Variants in PRKCE observed in about 807,000 individuals in gnomAD.
PRKCE encodes protein kinase C epsilon type.
Under a neutral mutation model 85.4 loss-of-function variants are expected in PRKCE, and 16 were observed. That is an observed-to-expected ratio of 0.19 (90% CI 0.13 to 0.28). The LOEUF (loss-of-function observed/expected upper bound fraction) is 0.28. Ranked by LOEUF, PRKCE falls within the 10% of genes least tolerant of loss-of-function variation. PRKCE has a pLI of 1.00. For synonymous variants in PRKCE, 388 were observed against 371.5 expected, an observed-to-expected ratio of 1.04 and a Z score of -0.51; for missense variants, 573 against 975.2, an observed-to-expected ratio of 0.59 and a Z score of 5.49.
chr2:46,101,494 A>T (rs1234189847), intron 11 of PRKCE, among the ~76,000 whole-genome samples: 1 of 152,184 alleles, frequency 6.6e-6, no homozygotes, highest in African/African-American at 2.4e-5. Context: ...GGGAACACCA[A>T]ATGGGTCTGT....
In PRKCE at chr2:46,144,345, A is replaced by T. The variant is rs370935368; in HGVS notation, c.1593-748A>T. 8.3e-4 allele frequency among the ~76,000 whole-genome samples: 126 copies of T among 152,258 alleles called. 3 individuals are homozygous for T. Among genetic ancestry groups the T allele is most frequent in the African/African-American group, 2.9e-3 (122 of 41,550 alleles). On this transcript the variant is annotated intron_variant, in intron 11 of 14. Coordinates refer to ENST00000306156, the MANE Select transcript of PRKCE (RefSeq NM_005400.3). ...TTGTGCTCATGCAGGCAGGATGCTT[A>T]TTGCTGTTAGCATGCATTTCAAATT...
intron 1 of PRKCE, among the ~76,000 whole-genome samples, chr2:45,677,592 A>G (rs2103895538): frequency 6.6e-6 from 1 of 152,214 alleles, no homozygotes; most frequent in South Asian, 2.1e-4. Flanking sequence ...TCCTGACCTC[A>G]TGATCCACCC....
At chr2:45,985,817 C>T (rs1004403272) in intron 6 of PRKCE, among the ~76,000 whole-genome samples, 1 of 152,182 alleles carries the variant, frequency 6.6e-6, no homozygotes, top group African/African-American at 2.4e-5. Flanking sequence ...GCTGGGGACA[C>T]CTTAACTCGA....
At chr2:45,913,482 C>G (rs905876365) in intron 2 of PRKCE, among the ~76,000 whole-genome samples, 1 of 152,198 alleles carries the variant, frequency 6.6e-6, no homozygotes, top group African/African-American at 2.4e-5. Flanking sequence ...TACAGACTCC[C>G]TGCTCAGTGG....
At chr2:45,690,812 T>C (rs1677668335) in intron 1 of PRKCE, among the ~76,000 whole-genome samples, 1 of 152,146 alleles carries the variant, frequency 6.6e-6, no homozygotes, top group South Asian at 2.1e-4. Flanking sequence ...GGGGCACCAG[T>C]GGAAAGGCAA....
chr2:46,074,854 T>C (rs1456035402), intron 10 of PRKCE, among the ~76,000 whole-genome samples: 1 of 152,158 alleles, frequency 6.6e-6, no homozygotes, highest in Non-Finnish European at 1.5e-5. Context: ...ATGTCCTGCC[T>C]GGGACACAGG....
In PRKCE at chr2:45,863,096, A is replaced by T. The variant is rs147359284; in HGVS notation, c.412+20033A>T. Reference sequence around the variant, plus strand: ...TGTGGGAGAGGGAAGCTGAACCCACAGTTTGTCCTGTTAGTGTGTGCTTGC... The same window carrying T: ...TGTGGGAGAGGGAAGCTGAACCCACTGTTTGTCCTGTTAGTGTGTGCTTGC... On this transcript the variant is annotated intron_variant, in intron 2 of 14. Coordinates refer to ENST00000306156, the MANE Select transcript of PRKCE (RefSeq NM_005400.3). 4.5e-3 allele frequency among the ~76,000 whole-genome samples: 682 copies of T among 152,112 alleles called. 3 individuals carry two copies. Among genetic ancestry groups the T allele is most frequent in the African/African-American group, 0.016 (651 of 41,484 alleles).
chr2:46,050,180 C>A (rs541730186), intron 10 of PRKCE, among the ~76,000 whole-genome samples: 1 of 152,370 alleles, frequency 6.6e-6, no homozygotes, highest in Admixed American at 6.5e-5. Context: ...ATCACATTTA[C>A]CGTTCACAAG....
chr2:45,947,865 A>G (rs895409513), intron 2 of PRKCE, among the ~76,000 whole-genome samples: 46 of 152,192 alleles, frequency 3.0e-4, no homozygotes, highest in Non-Finnish European at 8.8e-5. Context: ...TAAAGTGTAT[A>G]TTTCTTTTAT....
chr2:46,080,291 G>A lies in PRKCE; in HGVS notation c.1438-5917G>A, dbSNP rs137949042. 1.8e-3 allele frequency among the ~76,000 whole-genome samples: 267 copies of A among 152,006 alleles called. 2 individuals are homozygous for A. Among genetic ancestry groups the A allele is most frequent in the Non-Finnish European group, 3.1e-3 (210 of 68,008 alleles). ...ACAATGCAGACTCAGTAGAGTGAGGGGAAATGAAAATTTTACCTTGCTTTA... is the reference window on the plus strand; with the variant it reads ...ACAATGCAGACTCAGTAGAGTGAGGAGAAATGAAAATTTTACCTTGCTTTA... On this transcript the variant is annotated intron_variant, in intron 10 of 14. Coordinates refer to ENST00000306156, the MANE Select transcript of PRKCE (RefSeq NM_005400.3).
Position 46,059,582 on chromosome 2 carries a change from T to C in PRKCE, c.1438-26626T>C, listed in dbSNP as rs141061544. On this transcript the variant is annotated intron_variant, in intron 10 of 14. Transcript: ENST00000306156. ...TCACATTTGCAGAGATTAGTTATTTTTCTAATATTCTAAGCAGATTTGAGA... is the reference window on the plus strand; with the variant it reads ...TCACATTTGCAGAGATTAGTTATTTCTCTAATATTCTAAGCAGATTTGAGA... Among the ~76,000 whole-genome samples, 583 of 152,344 alleles carry C rather than the reference T, an allele frequency of 3.8e-3. 3 individuals are homozygous for C. Among genetic ancestry groups the C allele is most frequent in the African/African-American group, 0.014 (563 of 41,568 alleles).
chr2:45,728,560 G>A (rs947111429), intron 1 of PRKCE, among the ~76,000 whole-genome samples: 6 of 152,102 alleles, frequency 3.9e-5, no homozygotes, highest in East Asian at 1.9e-4. Context: ...TAATGCCCAC[G>A]TGCCGCTGGA....
intron 2 of PRKCE, among the ~76,000 whole-genome samples, chr2:45,899,280 T>C (rs1469846889): frequency 3.3e-5 from 5 of 152,246 alleles, no homozygotes; most frequent in South Asian, 2.1e-4. Context: ...TTGATATTTA[T>C]AGGCTTCTTC....
At chr2:45,736,066 T>G (rs1053634096) in intron 1 of PRKCE, among the ~76,000 whole-genome samples, 1 of 152,034 alleles carries the variant, frequency 6.6e-6, no homozygotes, top group Admixed American at 6.6e-5. Context: ...GTTTAAGCAA[T>G]CCTCCCACCT....
chr2:45,849,637 T>A (rs1423909344), intron 2 of PRKCE, among the ~76,000 whole-genome samples: 25 of 152,132 alleles, frequency 1.6e-4, no homozygotes, highest in Admixed American at 1.6e-3. Context: ...CGCAATAAGA[T>A]CCTGATCCTG....
chr2:45,673,479 C>A (rs1207095573), intron 1 of PRKCE, among the ~76,000 whole-genome samples: 1 of 152,186 alleles, frequency 6.6e-6, no homozygotes, highest in Admixed American at 6.5e-5. Context: ...AGGGACAGTA[C>A]TTACATCTCT....
Position 45,919,708 on chromosome 2 carries a change from C to T in PRKCE, c.413-56721C>T, listed in dbSNP as rs116291449. Among the ~76,000 whole-genome samples the T allele has an allele frequency of 1.9e-3, 291 of 152,326 alleles. 2 individuals are homozygous for T. The highest frequency in any genetic ancestry group is 6.8e-3 in the African/African-American group (283 of 41,580). On this transcript the variant is annotated intron_variant, in intron 2 of 14. Coordinates refer to ENST00000306156, the MANE Select transcript of PRKCE (RefSeq NM_005400.3). Reference sequence around the variant, plus strand: ...TCCCCCCAACCTTTTCTTGGAAAATCTAGGCCTTCTTTGGCTCTAGGGCTG... The same window carrying T: ...TCCCCCCAACCTTTTCTTGGAAAATTTAGGCCTTCTTTGGCTCTAGGGCTG...
intron 10 of PRKCE, among the ~76,000 whole-genome samples, chr2:46,084,694 C>T (rs377715363): frequency 6.9e-6 from 1 of 144,414 alleles, no homozygotes; most frequent in African/African-American, 2.6e-5. Flanking sequence ...TGCACTCCAG[C>T]CTAGCAACAG....
intron 5 of PRKCE, among the ~76,000 whole-genome samples, chr2:45,982,237 T>A (rs1347071676): frequency 6.6e-6 from 1 of 152,234 alleles, no homozygotes; most frequent in Non-Finnish European, 1.5e-5. Flanking sequence ...TCTGCCGGGT[T>A]ACTGAACTGC....
Sources: allele counts gnomAD v4.1 joint callset (sites outside exome capture counted in the v4.1 genomes callset), GRCh38; gene constraint gnomAD v4.1.1; transcripts MANE v1.5; gene names NCBI Gene and HGNC (gene_info 2026-07-23, HGNC 2026-07-21).